Variants in WDR5 observed in about 807,000 individuals in gnomAD.
WDR5 encodes the protein WD repeat domain 5.
For synonymous variants in WDR5, 144 were observed against 161.6 expected (o/e 0.89, Z 0.83); for missense variants, 187 against 416.9 (o/e 0.45, Z 4.80).
Position 134,136,143 on chromosome 9 carries a change from C to G in WDR5, c.-116C>G, listed in dbSNP as rs2132511188. On this transcript the variant is annotated 5_prime_UTR_variant, in exon 1 of 14. Transcript: ENST00000358625. ...TGTCGAGCTGAGTCCGCGCTCCCGC[C>G]CAGGCGGCGGCCGACGCGACGCCCC... 6.7e-6 allele frequency: 1 copy of G among 148,376 alleles called. No individual in the cohort carries two copies. The highest frequency in any genetic ancestry group is 2.4e-5 in the African/African-American group (1 of 41,162). The allele number at this position is 148,376 out of a possible 1,614,324, so 9.2% of individuals were successfully genotyped here.
At chr9:134,141,484 C>A (rs1447659960) in intron 3 of WDR5, 26 bp from the exon 4 acceptor site, 2 of 1,612,066 alleles carry the variant, frequency 1.2e-6, no homozygotes, top group Middle Eastern at 3.3e-4. Flanking sequence ...CTGCTCTTAG[C>A]CTCAGATCCT....
intron 10 of WDR5, among the ~76,000 whole-genome samples, 194 bp from the exon 11 acceptor site, chr9:134,155,146 C>T (rs1177395675): frequency 6.6e-6 from 1 of 152,258 alleles, no homozygotes; most frequent in African/African-American, 2.4e-5. Context: ...GGCTGTCACA[C>T]TGTGCTCTCA....
intron 4 of WDR5, 109 bp downstream of exon 4, chr9:134,141,692 C>T (rs1015635331): frequency 2.6e-5 from 32 of 1,226,984 alleles, no homozygotes; most frequent in East Asian, 1.2e-4. Context: ...AAGTTTTCCC[C>T]GTTTTTTAAT....
At chr9:134,152,537 C>CTG (rs1832547751) in intron 9 of WDR5, among the ~76,000 whole-genome samples, 1 of 152,206 alleles carries the variant, frequency 6.6e-6, no homozygotes, top group Admixed American at 6.5e-5. Flanking sequence ...GCCTGAGGGT[C>CTG]TGTGACGGCC....
intron 9 of WDR5, 107 bp downstream of exon 9, chr9:134,152,136 C>T (rs1036750209): frequency 1.5e-5 from 20 of 1,354,722 alleles, no homozygotes; most frequent in East Asian, 4.8e-5. Context: ...GCCCTGGGTC[C>T]GCCCCTGCAG....
intron 1 of WDR5, among the ~76,000 whole-genome samples, chr9:134,138,908 T>G (rs1283787879): frequency 3.3e-5 from 5 of 152,358 alleles, no homozygotes; most frequent in Non-Finnish European, 5.9e-5. Flanking sequence ...TCAGTGGCTT[T>G]CCCTTTTAAA....
intron 7 of WDR5, among the ~76,000 whole-genome samples, chr9:134,144,041 C>G (rs1361554118): frequency 6.6e-6 from 1 of 152,246 alleles, no homozygotes; most frequent in Non-Finnish European, 1.5e-5. Flanking sequence ...TCACTTTGTG[C>G]CATCTTGGCG....
intron 7 of WDR5, among the ~76,000 whole-genome samples, chr9:134,148,018 C>T (rs1832293435): frequency 6.6e-6 from 1 of 151,924 alleles, no homozygotes; most frequent in Non-Finnish European, 1.5e-5. Context: ...TAAAAATTAG[C>T]TGGGCGTGGT....
At chr9:134,141,424 A>C (rs540570877) in intron 3 of WDR5, 86 bp from the exon 4 acceptor site, 10 of 1,274,370 alleles carry the variant, frequency 7.8e-6, no homozygotes, top group Middle Eastern at 2.0e-4. Flanking sequence ...CCTGGGACTC[A>C]TGTGGGAAAA....
intron 7 of WDR5, 85 bp downstream of exon 7, chr9:134,142,804 G>A (rs1831962457): frequency 8.5e-6 from 12 of 1,405,038 alleles, no homozygotes; most frequent in South Asian, 5.9e-5. Context: ...CCTGAGGGGC[G>A]TAAGCCTGGC....
In WDR5 at chr9:134,140,722, A is replaced by C; in HGVS notation, c.101A>C (p.Asn34Thr). 1 of 1,614,186 alleles carries C rather than the reference A, an allele frequency of 6.2e-7. No individual in the cohort carries two copies. The change falls in exon 3 of 14, where the codon AAC becomes ACC. Residue 34 changes from asparagine (N) to threonine (T), a missense_variant. Transcript: ENST00000358625. ...TQSKPTPVKP[N>T]YALKFTLAGH... ...CTGCAGCCTACACCTGTGAAGCCAAACTATGCTCTAAAGTTCACCCTTGCT... is the reference window on the plus strand; with the variant it reads ...CTGCAGCCTACACCTGTGAAGCCAACCTATGCTCTAAAGTTCACCCTTGCT...
intron 2 of WDR5, 125 bp from the exon 3 acceptor site, chr9:134,140,578 T>C (rs1831833654): frequency 1.3e-6 from 1 of 797,190 alleles, no homozygotes; most frequent in Non-Finnish European, 2.2e-6. Context: ...TGGAAGGCAC[T>C]GGGCATGTGG....
At position 134,153,668 on chromosome 9, in the gene WDR5, C is replaced by T. The variant is rs143647897; in HGVS notation, c.632-798C>T. On this transcript the variant is annotated intron_variant, in intron 9 of 13. Transcript: ENST00000358625. ...ACGCCAGGTGCCTGGCGAGGCCAGG[C>T]GTCCCCGTGGTGGTAATGCTGAGGG... 9.4e-4 allele frequency among the ~76,000 whole-genome samples: 143 copies of T among 152,180 alleles called. 3 individuals are homozygous for T. The highest frequency in any genetic ancestry group is 2.5e-4 in the Non-Finnish European group (17 of 67,996).
At chr9:134,150,500 A>G (rs1832434903) in intron 8 of WDR5, among the ~76,000 whole-genome samples, 1 of 152,106 alleles carries the variant, frequency 6.6e-6, no homozygotes, top group African/African-American at 2.4e-5. Context: ...GAAAATCAGA[A>G]GTGGGACAGG....
At chr9:134,152,663 A>AG (rs1832554814) in intron 9 of WDR5, among the ~76,000 whole-genome samples, 1 of 152,144 alleles carries the variant, frequency 6.6e-6, no homozygotes, top group Non-Finnish European at 1.5e-5. Flanking sequence ...GCGCACCTTG[A>AG]GGAGGGAGCT....
intron 8 of WDR5, among the ~76,000 whole-genome samples, chr9:134,149,451 A>C (rs1832383968): frequency 6.6e-6 from 1 of 152,140 alleles, no homozygotes; most frequent in African/African-American, 2.4e-5. Context: ...TTGACCATTT[A>C]CCAGCTTATT....
At chr9:134,156,095 G>A (rs943122893) in intron 12 of WDR5, among the ~76,000 whole-genome samples, 15 of 152,226 alleles carry the variant, frequency 9.9e-5, no homozygotes, top group African/African-American at 3.1e-4. Flanking sequence ...CGGGGCTGTC[G>A]TCCACCGGCC....
chr9:134,158,101 A>G lies in WDR5; in HGVS notation c.*108A>G. On this transcript the variant is annotated 3_prime_UTR_variant, in exon 14 of 14. Transcript: ENST00000358625. The stretch of plus-strand genomic sequence containing the variant: ...CAGATCTGCGCCTGGGGGTCAGGAC[A>G]GGGCCTGATTTGAGCCTCCTCTCTG... 2 of 972,580 alleles carry G rather than the reference A, an allele frequency of 2.1e-6. No individual in the cohort carries two copies. Among genetic ancestry groups the G allele is most frequent in the Non-Finnish European group, 3.2e-6 (2 of 625,150 alleles). The allele number at this position is 972,580 out of a possible 1,614,324, so 60.2% of individuals were successfully genotyped here.
chr9:134,139,047 G>A (rs1004332222), intron 1 of WDR5, among the ~76,000 whole-genome samples: 1 of 152,186 alleles, frequency 6.6e-6, no homozygotes, highest in African/African-American at 2.4e-5. Flanking sequence ...CATTGTCAAG[G>A]TGAAACCGAT....
Sources: gnomAD v4.1 joint callset for allele counts (sites outside exome capture counted in the v4.1 genomes callset) on GRCh38, gnomAD v4.1.1 for gene constraint, MANE v1.5 for transcripts, NCBI Gene and HGNC (gene_info 2026-07-23, HGNC 2026-07-21) for gene names.